Variants in NOC2L observed in about 807,000 individuals in gnomAD.
NOC2L encodes the protein nucleolar complex protein 2 homolog.
A neutral mutation model predicts 94.2 loss-of-function variants in NOC2L; 101 were observed. The ratio of observed to expected loss-of-function variants is 1.07; its 90% CI spans 0.91 to 1.26. The LOEUF is 1.26. NOC2L is among the 50% of genes most tolerant of loss of function. The pLI is 0.00. For synonymous variants in NOC2L, 531 were observed against 413.4 expected, an observed-to-expected ratio of 1.28 and a Z score of -3.45; for missense variants, 1,076 against 980.1, an observed-to-expected ratio of 1.10 and a Z score of -1.31.
chr1:947,924 G>A (rs1406762169), intron 14 of NOC2L, among the ~76,000 whole-genome samples: 1 of 152,226 alleles, frequency 6.6e-6, no homozygotes, highest in Non-Finnish European at 1.5e-5. Context: ...TCAGCCCACT[G>A]CCCAGGCCTG....
At chr1:946,779 C>G in intron 14 of NOC2L, 1 of 494,964 alleles carries the variant, frequency 2.0e-6, no homozygotes, top group Non-Finnish European at 3.6e-6. Context: ...AGTTTTATGC[C>G]AGGCGTGGTG....
chr1:955,830 T>C (rs1224903065), intron 6 of NOC2L, 93 bp downstream of exon 6: 6 of 1,081,830 alleles, frequency 5.5e-6, no homozygotes, highest in African/African-American at 3.1e-5. Context: ...TCTGTTGCCA[T>C]GTCTCTGTCC....
chr1:945,468 C>CA, intron 17 of NOC2L, 50 bp downstream of exon 17: 1 of 1,605,900 alleles, frequency 6.2e-7, no homozygotes, highest in Non-Finnish European at 8.5e-7. Context: ...GGAAGTCCAG[C>CA]AGAGCCCTCC....
rs748893416 is a variant in NOC2L at position 956,066 on chromosome 1, C to T, written c.607+29G>A. ...ACGGGACAGAGAACGCAACAGACAG[C>T]CTGGATGCCAGGCTCCCCCCAAGCT... On this transcript the variant is annotated intron_variant, in intron 5 of 18. Coordinates refer to ENST00000327044, the MANE Select transcript of NOC2L (RefSeq NM_015658.4). The T allele has an allele frequency of 1.2e-5, 20 of 1,613,972 alleles. No individual in the cohort carries two copies. In the Admixed American group the frequency reaches 1.3e-4, roughly 11 times the overall value.
chr1:944,842 GGAA>G (rs1307254089), intron 18 of NOC2L, 42 bp from the exon 19 acceptor site: 2 of 1,422,050 alleles, frequency 1.4e-6, no homozygotes, highest in Non-Finnish European at 9.6e-7. Context: ...TGCTTTATCA[GGAA>G]GAAGCCAGCC....
intron 12 of NOC2L, among the ~76,000 whole-genome samples, chr1:950,339 G>A (rs964601431): frequency 2.7e-5 from 4 of 150,814 alleles, no homozygotes; most frequent in Non-Finnish European, 5.9e-5. Context: ...GCACACAGAT[G>A]CACACATGCA....
chr1:952,120 T>C lies in NOC2L; in HGVS notation c.1211A>G (p.Tyr404Cys), dbSNP rs754285530. 7 of 1,613,638 alleles carry C rather than the reference T, an allele frequency of 4.3e-6. No homozygotes were observed. The highest frequency in any genetic ancestry group is 1.7e-5 in the Admixed American group (1 of 60,026). ...TRKKETYQSVYNWQYVHCLFL... is the reference protein window; with the variant it reads ...TRKKETYQSVCNWQYVHCLFL... ...GAGGCAGTGCACATACTGCCAGTTG[T>C]ACACAGACTGGTATGTTTCCTGGTC... The change falls in exon 11 of 19, where the codon TAC (tyrosine) becomes TGC (cysteine). Residue 404 changes from tyrosine (Y) to cysteine (C), a missense_variant. By Grantham distance (194) the Tyr-to-Cys change is radical (BLOSUM62 -2). Around this residue, in one of 3 missense-constraint regions of NOC2L, gnomAD observed 615 missense variants for 577.4 expected, o/e 1.07. Coordinates refer to ENST00000327044, the MANE Select transcript of NOC2L (RefSeq NM_015658.4).
chr1:957,546 G>A (rs1259039289), intron 2 of NOC2L: 1 of 453,218 alleles, frequency 2.2e-6, no homozygotes, highest in Non-Finnish European at 4.0e-6. Context: ...GTCTTCCCTG[G>A]ACTTGCTGTG....
At chr1:956,651 C>T (rs1226830568) in intron 4 of NOC2L, among the ~76,000 whole-genome samples, 2 of 152,192 alleles carry the variant, frequency 1.3e-5, no homozygotes, top group Admixed American at 1.3e-4. Flanking sequence ...AACACACAGT[C>T]CTGGGGCAAC....
Position 959,001 on chromosome 1 carries a change from G to A in NOC2L, c.107C>T (p.Pro36Leu). ...GCGTGCTTCCCGTGTCTCCGCTTGT[G>A]GAGAATTTTCGGACTCGGATTCGGA... is the stretch of plus-strand genomic sequence containing the variant. ...SESESESENSPQAETREAREA... is the reference protein window; with the variant it reads ...SESESESENSLQAETREAREA... Residue 36 changes from proline to leucine, a missense_variant, in exon 2 of 19, where the codon CCA becomes CTA. Pro to Leu is a moderately conservative substitution (Grantham distance 98). Around this residue, in one of 3 missense-constraint regions of NOC2L, gnomAD observed 457 missense variants for 386.0 expected, o/e 1.18. Transcript: ENST00000327044. The A allele has an allele frequency of 1.9e-6, 3 of 1,612,722 alleles. No individual in the cohort carries two copies. Among genetic ancestry groups the A allele is most frequent in the African/African-American group, 1.3e-5 (1 of 75,058 alleles).
chr1:946,015 C>T (rs887041162), intron 16 of NOC2L, among the ~76,000 whole-genome samples, 158 bp downstream of exon 16: 6 of 152,238 alleles, frequency 3.9e-5, no homozygotes, highest in African/African-American at 1.4e-4. Context: ...CTGGCCAGTT[C>T]TCCAACACCT....
intron 9 of NOC2L, 67 bp downstream of exon 9, chr1:953,108 G>T: frequency 8.4e-7 from 1 of 1,189,848 alleles, no homozygotes; most frequent in Non-Finnish European, 1.2e-6. Context: ...AAGGCAGCCC[G>T]CCCTGCCCTT....
At position 959,042 on chromosome 1, in the gene NOC2L, C is replaced by T. The variant is rs1234994910; in HGVS notation, c.66G>A (p.Ser22=). The change falls in exon 2 of 19, where the codon TCG becomes TCA. Residue 22 remains serine, a synonymous_variant. Coordinates refer to ENST00000327044, the MANE Select transcript of NOC2L (RefSeq NM_015658.4). ...CGGATTCGGACTCGGAGTCAAAGCCCGAAGCTAGGAACTCGTCCACCGTCA... is the reference window on the plus strand; with the variant it reads ...CGGATTCGGACTCGGAGTCAAAGCCTGAAGCTAGGAACTCGTCCACCGTCA... ...AELTVDEFLA[S]GFDSESESES... The T allele has an allele frequency of 1.2e-6, 2 of 1,611,516 alleles. No individual in the cohort carries two copies. The highest frequency in any genetic ancestry group is 4.5e-5 in the East Asian group (2 of 44,870).
intron 12 of NOC2L, among the ~76,000 whole-genome samples, chr1:950,123 C>T (rs893430993): frequency 2.4e-4 from 37 of 152,124 alleles, no homozygotes; most frequent in African/African-American, 8.2e-4. Context: ...CACACGTAGA[C>T]GCACGTACAT....
chr1:948,975 G>A (rs1420032900), intron 12 of NOC2L, among the ~76,000 whole-genome samples: 2 of 152,056 alleles, frequency 1.3e-5, no homozygotes, highest in Admixed American at 6.5e-5. Context: ...ATGGCACTGA[G>A]GCCCATCCTG....
chr1:956,561 G>A (rs1475877693), intron 4 of NOC2L, among the ~76,000 whole-genome samples: 1 of 152,114 alleles, frequency 6.6e-6, no homozygotes, highest in African/African-American at 2.4e-5. Flanking sequence ...ACCAACAAAG[G>A]CACAGTCCGT....
chr1:957,096 C>T lies in NOC2L; in HGVS notation c.354+3G>A, dbSNP rs867598269. 13 of 1,614,060 alleles carry T rather than the reference C, an allele frequency of 8.1e-6. No homozygotes were observed. In the Middle Eastern group the frequency reaches 2.1e-3, roughly 266 times the overall value. ...CCCCTTCTGGTTTGGCCCACGCCCT[C>T]ACCTCCAGCACATCTGGCAGGGAGT... is the stretch of plus-strand genomic sequence containing the variant. On this transcript the variant is annotated splice_donor_region_variant and intron_variant, in intron 3 of 18. Coordinates refer to ENST00000327044, the MANE Select transcript of NOC2L (RefSeq NM_015658.4).
At chr1:951,389 G>A in intron 11 of NOC2L, 151 bp from the exon 12 acceptor site, 1 of 643,396 alleles carries the variant, frequency 1.6e-6, no homozygotes, top group Non-Finnish European at 2.8e-6. Flanking sequence ...TGCACCCCTT[G>A]CCCAGCTATG....
rs894087603 is a variant in NOC2L, at chr1:944,242, C to T, written c.*452G>A. 8.3e-6 allele frequency: 12 copies of T among 1,447,078 alleles called. No individual in the cohort carries two copies. Among genetic ancestry groups the T allele is most frequent in the African/African-American group, 1.4e-5 (1 of 69,450 alleles). 89.6% of individuals were successfully genotyped at this position (1,447,078 alleles called of 1,614,324 possible). A position where few individuals can be genotyped will look rare whatever the true frequency, so the allele number is the denominator to read the frequency against. On this transcript the variant is annotated 3_prime_UTR_variant, in exon 19 of 19. Coordinates refer to ENST00000327044, the MANE Select transcript of NOC2L (RefSeq NM_015658.4). ...CTGCCTCCCACCGCTTTATTTCTTT[C>T]GGTTTCGGATGCAAAACAAAAAATT...
Sources: allele counts gnomAD v4.1 joint callset (sites outside exome capture counted in the v4.1 genomes callset), GRCh38; gene constraint gnomAD v4.1.1; regional missense constraint gnomAD v4.1.1; transcripts MANE v1.5; gene names NCBI Gene and HGNC (gene_info 2026-07-23, HGNC 2026-07-21).